The following SAMMSON variants were observed in gnomAD, a reference collection of about 807,000 sequenced individuals.
SAMMSON encodes long intergenic non-protein coding RNA 1212.
At chr3:70,226,630 C>T (rs531470097) in intron 4 of SAMMSON, among the ~76,000 whole-genome samples, 72 of 150,462 alleles carry the variant, frequency 4.8e-4, no homozygotes, top group African/African-American at 1.7e-3. Context: ...CCCAGCTTCT[C>T]GGGAGGCTGA....
rs1185277565 is a variant in SAMMSON at position 70,414,713 on chromosome 3, T to C, written n.234-47847T>C. On this transcript the variant is annotated intron_variant and non_coding_transcript_variant, in intron 2 of 3. Coordinates refer to the SAMMSON transcript ENST00000641053. ...TAATCTTTCTGGATCTGTTTTCTCA[T>C]TTGTAAAATGAACCTCATATAGTTC... 7.2e-5 allele frequency among the ~76,000 whole-genome samples: 11 copies of C among 152,322 alleles called. No individual in the cohort carries two copies. The South Asian group carries it at 1.0e-3, about 14-fold the overall frequency.
chr3:70,044,319 G>T (rs1191925040), intron 3 of SAMMSON, among the ~76,000 whole-genome samples: 1 of 151,948 alleles, frequency 6.6e-6, no homozygotes, highest in African/African-American at 2.4e-5. Context: ...TGCGCTTAGG[G>T]GGTAAAGGGG....
At chr3:70,313,609 C>T (rs1361690240) in intron 7 of SAMMSON, among the ~76,000 whole-genome samples, 1 of 152,072 alleles carries the variant, frequency 6.6e-6, no homozygotes, top group East Asian at 1.9e-4. Context: ...TCATTTTTCT[C>T]ATCAAGGAAA....
intron 1 of SAMMSON, among the ~76,000 whole-genome samples, chr3:70,003,195 T>C (rs1421329239): frequency 6.6e-6 from 1 of 152,078 alleles, no homozygotes; most frequent in Non-Finnish European, 1.5e-5. Context: ...GTATTTTTAC[T>C]CTTTTTAAAA....
intron 3 of SAMMSON, among the ~76,000 whole-genome samples, chr3:70,055,788 T>G (rs540995795): frequency 6.6e-6 from 1 of 152,248 alleles, no homozygotes; most frequent in African/African-American, 2.4e-5. Context: ...TTCTCCTTCC[T>G]TTTCTTTCAG....
chr3:70,417,418 C>T (rs1455620994), intron 2 of SAMMSON, among the ~76,000 whole-genome samples: 1 of 152,204 alleles, frequency 6.6e-6, no homozygotes, highest in African/African-American at 2.4e-5. Flanking sequence ...CCAACTTTCT[C>T]TGTACAATGG....
chr3:70,292,019 GAATA>G (rs1468541354), intron 7 of SAMMSON: 9 of 152,256 alleles, frequency 5.9e-5, no homozygotes, highest in Non-Finnish European at 4.4e-5. Flanking sequence ...TTTCAAAGCT[GAATA>G]AATAGTCTCT....
intron 4 of SAMMSON, among the ~76,000 whole-genome samples, chr3:70,239,970 C>G (rs1245599229): frequency 6.6e-6 from 1 of 151,762 alleles, no homozygotes; most frequent in African/African-American, 2.4e-5. Context: ...AAGTAGTAAG[C>G]TTTGAAATTG....
intron 4 of SAMMSON, among the ~76,000 whole-genome samples, chr3:70,093,939 A>C (rs2067314148): frequency 6.6e-6 from 1 of 152,192 alleles, no homozygotes; most frequent in Admixed American, 6.5e-5. Flanking sequence ...GACGTTTTGC[A>C]ACCCCTAACC....
chr3:70,002,039 C>T (rs568899953), intron 1 of SAMMSON, among the ~76,000 whole-genome samples: 1 of 152,262 alleles, frequency 6.6e-6, no homozygotes, highest in Admixed American at 6.5e-5. Context: ...TAGAGACCTA[C>T]TTTACTCTCG....
In SAMMSON at chr3:70,396,552, C is replaced by T. The variant is rs144454710; in HGVS notation, n.233+38228C>T. On this transcript the variant is annotated intron_variant and non_coding_transcript_variant, in intron 2 of 3. Transcript: ENST00000641053. ...AGGGATACAGCAGTAAGTTAAAAAG[C>T]CAAAATATTTTAACTTTAGATAAAG... Among the ~76,000 whole-genome samples, 727 of 152,154 alleles carry T rather than the reference C, an allele frequency of 4.8e-3. 3 individuals carry two copies. Among genetic ancestry groups the T allele is most frequent in the Non-Finnish European group, 7.1e-3 (485 of 67,992 alleles).
At chr3:70,158,156 AT>A (rs1224868065) in intron 4 of SAMMSON, among the ~76,000 whole-genome samples, 1 of 152,054 alleles carries the variant, frequency 6.6e-6, no homozygotes, top group African/African-American at 2.4e-5. Context: ...GTTTTAGAAC[AT>A]TTTTATCATC....
intron 4 of SAMMSON, among the ~76,000 whole-genome samples, chr3:70,215,373 A>G (rs1701399025): frequency 1.3e-5 from 2 of 152,126 alleles, no homozygotes; most frequent in South Asian, 2.1e-4. Flanking sequence ...AGCTTGAGAT[A>G]CTTTTCTGAA....
downstream of SAMMSON, among the ~76,000 whole-genome samples, chr3:70,393,456 A>G (rs1413457951): frequency 6.6e-6 from 1 of 152,218 alleles, no homozygotes; most frequent in Non-Finnish European, 1.5e-5. Context: ...AATTCATTCA[A>G]CGAGTGGTTT....
chr3:70,192,933 G>C (rs1039802557), intron 4 of SAMMSON, among the ~76,000 whole-genome samples: 5 of 152,096 alleles, frequency 3.3e-5, no homozygotes, highest in East Asian at 3.9e-4. Flanking sequence ...TGGTGGGCGC[G>C]GGGGGTTGTG....
chr3:70,292,420 CT>C (rs1387257230), intron 7 of SAMMSON, among the ~76,000 whole-genome samples: 1 of 152,030 alleles, frequency 6.6e-6, no homozygotes, highest in Non-Finnish European at 1.5e-5. Context: ...ATTATTGTCA[CT>C]TACTATTGTT....
chr3:70,054,412 T>C (rs2067158522), intron 3 of SAMMSON, among the ~76,000 whole-genome samples: 1 of 152,110 alleles, frequency 6.6e-6, no homozygotes, highest in Non-Finnish European at 1.5e-5. Context: ...CCTGAACTAA[T>C]CAAAGAAATC....
At chr3:70,272,831 C>T (rs184817041) in intron 6 of SAMMSON, among the ~76,000 whole-genome samples, 69 of 152,164 alleles carry the variant, frequency 4.5e-4, no homozygotes, top group African/African-American at 1.5e-3. Flanking sequence ...AATTTTCTTT[C>T]GGCAAGACTT....
intron 9 of SAMMSON, among the ~76,000 whole-genome samples, chr3:70,381,136 G>C (rs1164290785): frequency 6.6e-6 from 1 of 152,164 alleles, no homozygotes; most frequent in Admixed American, 6.5e-5. Flanking sequence ...TGGTAGAGCA[G>C]TGCAGTTCTC....
Sources: allele counts gnomAD v4.1 joint callset (sites outside exome capture counted in the v4.1 genomes callset), GRCh38; gene constraint gnomAD v4.1.1; transcripts MANE v1.5; gene names NCBI Gene and HGNC (gene_info 2026-07-23, HGNC 2026-07-21).